PTPN13: variants seen among roughly 807,000 people sequenced by gnomAD.
PTPN13 encodes the protein protein tyrosine phosphatase non-receptor type 13.
In PTPN13, 191 loss-of-function variants were observed where a neutral mutation model predicts 284.0. The ratio of observed to expected loss-of-function variants is 0.67; its 90% CI spans 0.60 to 0.76. PTPN13 has a LOEUF of 0.76. Ranked by LOEUF, PTPN13 falls within the 30% of genes least tolerant of loss-of-function variation. The pLI, the probability that PTPN13 is intolerant of heterozygous loss-of-function variation, is 0.00. For synonymous variants in PTPN13, 986 were observed against 1,022.3 expected, an observed-to-expected ratio of 0.96 and a Z score of 0.68; for missense variants, 2,797 against 2,939.9, an observed-to-expected ratio of 0.95 and a Z score of 1.12.
intron 3 of PTPN13, among the ~76,000 whole-genome samples, chr4:86,679,712 A>G (rs915516372): frequency 1.3e-5 from 2 of 152,228 alleles, no homozygotes; most frequent in Admixed American, 1.3e-4. Flanking sequence ...CATGTAAAGC[A>G]GCTCATATTT....
At chr4:86,606,335 A>G (rs1269347445) in intron 1 of PTPN13, among the ~76,000 whole-genome samples, 1 of 151,830 alleles carries the variant, frequency 6.6e-6, no homozygotes. Flanking sequence ...GTTTAAATCA[A>G]AATCTTACTC....
At chr4:86,677,994 G>A (rs1728484550) in intron 3 of PTPN13, among the ~76,000 whole-genome samples, 1 of 152,126 alleles carries the variant, frequency 6.6e-6, no homozygotes, top group Non-Finnish European at 1.5e-5. Context: ...GTCTCCCCTA[G>A]AGCACTAGAA....
At chr4:86,615,931 G>A (rs112790204) in intron 1 of PTPN13, among the ~76,000 whole-genome samples, 670 of 152,284 alleles carry the variant, frequency 4.4e-3, no homozygotes, top group Non-Finnish European at 5.8e-3. Flanking sequence ...ACTTTAAGGA[G>A]TATTCCAGCA....
intron 7 of PTPN13, among the ~76,000 whole-genome samples, chr4:86,703,250 A>G (rs867342572): frequency 6.6e-6 from 1 of 152,170 alleles, no homozygotes; most frequent in Admixed American, 6.5e-5. Flanking sequence ...TTAGAAATTT[A>G]TATTATACAC....
At chr4:86,673,867 T>G (rs1017804942) in intron 3 of PTPN13, among the ~76,000 whole-genome samples, 2 of 151,978 alleles carry the variant, frequency 1.3e-5, no homozygotes, top group African/African-American at 4.8e-5. Flanking sequence ...CCAGCACACC[T>G]CGCTAATTTT....
At chr4:86,642,981 T>A (rs1693132257) in intron 2 of PTPN13, among the ~76,000 whole-genome samples, 1 of 151,890 alleles carries the variant, frequency 6.6e-6, no homozygotes, top group African/African-American at 2.4e-5. Context: ...AAAACAGTAA[T>A]TTTTTTTGTT....
intron 1 of PTPN13, among the ~76,000 whole-genome samples, chr4:86,598,435 G>A (rs774200299): frequency 1.3e-5 from 2 of 152,278 alleles, no homozygotes; most frequent in Middle Eastern, 3.4e-3. Flanking sequence ...GTGAGCCACC[G>A]TGCCTGGTCC....
At chr4:86,774,986 G>A (rs1024436091) in intron 33 of PTPN13, among the ~76,000 whole-genome samples, 185 bp from the exon 34 acceptor site, 1 of 152,020 alleles carries the variant, frequency 6.6e-6, no homozygotes, top group African/African-American at 2.4e-5. Flanking sequence ...CATTGTAATG[G>A]CTTGATCGTT....
intron 25 of PTPN13, 137 bp from the exon 26 acceptor site, chr4:86,765,258 A>G: frequency 1.6e-6 from 1 of 609,772 alleles, no homozygotes. Flanking sequence ...TTAGTATACT[A>G]ATGAATATAC....
chr4:86,771,253 G>A lies in PTPN13; in HGVS notation c.4886G>A (p.Ser1629Asn). 6.2e-7 allele frequency: 1 copy of A among 1,609,502 alleles called. No individual in the cohort carries two copies. The highest frequency in any genetic ancestry group is 8.5e-7 in the Non-Finnish European group (1 of 1,177,878). The change falls in exon 31 of 48, where the codon AGC becomes AAC. Residue 1629 changes from serine (S) to asparagine (N), a missense_variant. Physicochemically the swap from Ser to Asn is conservative, Grantham distance 46. Coordinates refer to ENST00000411767, the MANE Select transcript of PTPN13 (RefSeq NM_080683.3). ...SQPSCVEQST[S>N]SDENEMSDKS... The stretch of plus-strand genomic sequence containing the variant: ...CCATCATGTGTGGAGCAAAGCACCA[G>A]CTCAGATGAAAATGAAATGTCAGAC...
At position 86,771,384 on chromosome 4, in the gene PTPN13, T is replaced by C. The variant is rs959566570; in HGVS notation, c.5017T>C (p.Ser1673Pro). The change falls in exon 31 of 48, where the codon TCG becomes CCG. Residue 1673 changes from serine (S) to proline (P), a missense_variant. Transcript: ENST00000411767. ...LVTAPANISNSTWSSALHQTL... is the reference protein window; with the variant it reads ...LVTAPANISNPTWSSALHQTL... ...GACAGCTCCAGCAAACATATCAAAT[T>C]CGACCTGGAGTTCAGCTTTGCATCA... 1 of 1,571,246 alleles carries C rather than the reference T, an allele frequency of 6.4e-7. No individual in the cohort carries two copies. The highest frequency in any genetic ancestry group is 8.6e-7 in the Non-Finnish European group (1 of 1,157,482).
At chr4:86,796,792 G>A in intron 40 of PTPN13, 82 bp from the exon 41 acceptor site, 1 of 864,250 alleles carries the variant, frequency 1.2e-6, no homozygotes, top group Non-Finnish European at 1.8e-6. Flanking sequence ...GTAAATATAG[G>A]AAATAACTAA....
At chr4:86,699,017 G>T (rs1730856870) in intron 6 of PTPN13, among the ~76,000 whole-genome samples, 1 of 152,098 alleles carries the variant, frequency 6.6e-6, no homozygotes, top group South Asian at 2.1e-4. Context: ...GTAAAATTAT[G>T]AGGGGGGAAT....
At chr4:86,764,752 TTTCTC>T (rs1739096043) in intron 25 of PTPN13, 28 bp downstream of exon 25, 3 of 1,581,310 alleles carry the variant, frequency 1.9e-6, no homozygotes, top group Non-Finnish European at 1.7e-6. Context: ...TTTCAAATGT[TTTCTC>T]TTCTTTAATT....
intron 2 of PTPN13, among the ~76,000 whole-genome samples, chr4:86,659,977 C>A (rs975691896): frequency 1.3e-5 from 2 of 152,094 alleles, no homozygotes; most frequent in Admixed American, 6.6e-5. Context: ...CATATGAAAA[C>A]TGTGAGTACT....
intron 1 of PTPN13, among the ~76,000 whole-genome samples, chr4:86,615,847 C>T (rs557930329): frequency 1.3e-5 from 2 of 152,300 alleles, no homozygotes; most frequent in Non-Finnish European, 2.9e-5. Flanking sequence ...GACATCATAT[C>T]TCCTACTCTC....
intron 32 of PTPN13, among the ~76,000 whole-genome samples, chr4:86,773,275 T>C (rs569034613): frequency 6.6e-6 from 1 of 152,334 alleles, no homozygotes; most frequent in African/African-American, 2.4e-5. Context: ...GTGGTGAAGA[T>C]TAAATGAAAT....
At chr4:86,676,645 A>C (rs1368403480) in intron 3 of PTPN13, among the ~76,000 whole-genome samples, 3 of 152,222 alleles carry the variant, frequency 2.0e-5, no homozygotes, top group Non-Finnish European at 2.9e-5. Flanking sequence ...GATAAAAAAA[A>C]CTGTGGAATA....
chr4:86,753,744 T>C (rs1469772272), intron 20 of PTPN13, among the ~76,000 whole-genome samples: 2 of 152,102 alleles, frequency 1.3e-5, no homozygotes, highest in African/African-American at 4.8e-5. Context: ...CATTATCTTA[T>C]TTGATCTTTC....
Sources: allele counts gnomAD v4.1 joint callset (sites outside exome capture counted in the v4.1 genomes callset), GRCh38; gene constraint gnomAD v4.1.1; transcripts MANE v1.5; gene names NCBI Gene and HGNC (gene_info 2026-07-23, HGNC 2026-07-21).